Variants in TBC1D1 observed in about 807,000 individuals in gnomAD.
The protein encoded by TBC1D1 is TBC1 (tre-2/USP6, BUB2, cdc16) domain family, member 1.
In TBC1D1, 89 loss-of-function variants were observed where a neutral mutation model predicts 125.6. The ratio of observed to expected loss-of-function variants is 0.71; its 90% CI spans 0.60 to 0.85. The LOEUF is 0.85. Ranked by LOEUF, TBC1D1 falls within the 40% of genes least tolerant of loss-of-function variation. The pLI, the probability that TBC1D1 is intolerant of heterozygous loss-of-function variation, is 0.00. For synonymous variants in TBC1D1, 565 were observed against 564.1 expected (o/e 1.00, Z -0.02); for missense variants, 1,377 against 1,469.2 (o/e 0.94, Z 1.03).
intron 12 of TBC1D1, among the ~76,000 whole-genome samples, chr4:38,061,560 A>T (rs998971172): frequency 1.3e-5 from 2 of 152,202 alleles, no homozygotes; most frequent in African/African-American, 4.8e-5. Flanking sequence ...CAGACTTTAT[A>T]TGTCTTGTAA....
intron 12 of TBC1D1, among the ~76,000 whole-genome samples, chr4:38,083,471 C>G (rs966443380): frequency 2.6e-5 from 4 of 152,198 alleles, no homozygotes; most frequent in African/African-American, 9.6e-5. Context: ...ACCTGTTCTT[C>G]CAGAACCACC....
At chr4:37,960,643 C>G in intron 2 of TBC1D1, 8 of 1,614,130 alleles carry the variant, frequency 5.0e-6, no homozygotes, top group Non-Finnish European at 6.8e-6. Context: ...GTCAACAGAG[C>G]TACAGAAAAG....
At chr4:38,036,908 T>C (rs1472540352) in intron 8 of TBC1D1, among the ~76,000 whole-genome samples, 1 of 152,198 alleles carries the variant, frequency 6.6e-6, no homozygotes, top group Admixed American at 6.5e-5. Context: ...TCCTGTTCAT[T>C]TTTGGATGGA....
At chr4:37,992,161 G>A (rs886369581) in intron 2 of TBC1D1, among the ~76,000 whole-genome samples, 1 of 152,196 alleles carries the variant, frequency 6.6e-6, no homozygotes, top group Non-Finnish European at 1.5e-5. Flanking sequence ...TCAGACCTGT[G>A]TTTCCAGAAG....
At chr4:38,132,046 G>A (rs6854169) in intron 18 of TBC1D1, among the ~76,000 whole-genome samples, 3,508 of 152,334 alleles carry the variant, frequency 0.023, 130 homozygotes, top group African/African-American at 0.08. Context: ...TTGAATGCCA[G>A]TAGGGAGCCA....
At chr4:38,106,299 G>A (rs1191811517) in intron 15 of TBC1D1, among the ~76,000 whole-genome samples, 1 of 152,024 alleles carries the variant, frequency 6.6e-6, no homozygotes, top group African/African-American at 2.4e-5. Context: ...TGTTGACCAT[G>A]GTCACAAAGT....
chr4:38,137,173 T>G lies in TBC1D1; in HGVS notation c.3345T>G (p.Ile1115Met). 1 of 1,613,444 alleles carries G rather than the reference T, an allele frequency of 6.2e-7. No individual in the cohort carries two copies. The highest frequency in any genetic ancestry group is 8.5e-7 in the Non-Finnish European group (1 of 1,180,018). ...GGATCCAAAGCCTTGAGGCCACCAT[T>G]GAGAAGCTCCTGAGCAGTGAGAGCA... The change falls in exon 20 of 20, where the codon ATT (isoleucine) becomes ATG (methionine). Residue 1115 changes from isoleucine to methionine, a missense_variant. This residue lies in a region of TBC1D1 where 543 missense variants were observed against 613.5 expected (regional missense o/e 0.89). Coordinates refer to ENST00000261439, the MANE Select transcript of TBC1D1 (RefSeq NM_015173.4).
chr4:38,073,315 C>G (rs1170753171), intron 12 of TBC1D1, among the ~76,000 whole-genome samples: 1 of 152,208 alleles, frequency 6.6e-6, no homozygotes, highest in Admixed American at 6.5e-5. Context: ...GATCAATCTT[C>G]TGGATTACAC....
intron 2 of TBC1D1, among the ~76,000 whole-genome samples, chr4:37,942,696 G>A (rs1253121811): frequency 6.6e-6 from 1 of 151,958 alleles, no homozygotes; most frequent in Non-Finnish European, 1.5e-5. Flanking sequence ...CCACCACCAC[G>A]CCTGGCTAAT....
intron 2 of TBC1D1, among the ~76,000 whole-genome samples, chr4:38,012,449 A>G (rs1477921063): frequency 1.3e-5 from 2 of 152,026 alleles, no homozygotes; most frequent in African/African-American, 2.4e-5. Context: ...TCATTTTTGT[A>G]TTTTGTATAG....
intron 2 of TBC1D1, among the ~76,000 whole-genome samples, chr4:37,975,513 G>A (rs961086347): frequency 2.0e-5 from 3 of 152,150 alleles, no homozygotes; most frequent in African/African-American, 7.2e-5. Flanking sequence ...CCGGGGAAAG[G>A]GAGACTCCCA....
chr4:37,979,742 C>T (rs989148290), intron 2 of TBC1D1, among the ~76,000 whole-genome samples: 2 of 152,158 alleles, frequency 1.3e-5, no homozygotes, highest in African/African-American at 4.8e-5. Context: ...GGGTGGGTGT[C>T]GGTTGATTCA....
Position 38,118,177 on chromosome 4 carries a change from G to C in TBC1D1, c.2947G>C (p.Val983Leu). ...TGCCTCACAGTTCCCGCTGGGATTC[G>C]TAGCCAGAGTCTTTGGTGAGCATTA... Residue 983 changes from valine to leucine, a missense_variant, in exon 17 of 20, where the codon GTA becomes CTA. Val to Leu is a conservative substitution (Grantham distance 32). Around this residue, in one of 3 missense-constraint regions of TBC1D1, gnomAD observed 543 missense variants for 613.5 expected, o/e 0.89. Coordinates refer to ENST00000261439, the MANE Select transcript of TBC1D1 (RefSeq NM_015173.4). The C allele has an allele frequency of 6.2e-7, 1 of 1,614,170 alleles. No individual in the cohort carries two copies.
chr4:38,063,627 T>A (rs1323128329), intron 12 of TBC1D1, among the ~76,000 whole-genome samples: 1 of 150,946 alleles, frequency 6.6e-6, no homozygotes, highest in Non-Finnish European at 1.5e-5. Context: ...CAGTCTAATT[T>A]TTTTTATTTT....
intron 12 of TBC1D1, chr4:38,060,807 C>T: frequency 2.4e-6 from 1 of 418,218 alleles, no homozygotes; most frequent in Non-Finnish European, 4.2e-6. Context: ...AAGGCAGACT[C>T]TGTTGCAGTA....
intron 2 of TBC1D1, among the ~76,000 whole-genome samples, chr4:37,983,757 T>C (rs1305114916): frequency 6.6e-6 from 1 of 152,242 alleles, no homozygotes; most frequent in East Asian, 1.9e-4. Context: ...GACATATGAT[T>C]ATCACACAAA....
chr4:38,047,902 G>A (rs922598569), intron 10 of TBC1D1, among the ~76,000 whole-genome samples: 2 of 152,186 alleles, frequency 1.3e-5, no homozygotes, highest in African/African-American at 4.8e-5. Context: ...ATGTCACTCA[G>A]TGGGCTTTCC....
At chr4:37,895,047 T>A (rs1269601807) in intron 1 of TBC1D1, among the ~76,000 whole-genome samples, 2 of 152,212 alleles carry the variant, frequency 1.3e-5, no homozygotes, top group Non-Finnish European at 2.9e-5. Flanking sequence ...TCAACAGATA[T>A]TGCTCTAGCA....
At position 38,103,174 on chromosome 4, in the gene TBC1D1, G is replaced by A. The variant is rs772012661; in HGVS notation, c.2557+17G>A. On this transcript the variant is annotated intron_variant, in intron 15 of 19. Transcript: ENST00000261439. ...TTGACCTTGGTAAGTCTGTGCCATC[G>A]ATTGGAGATGACAATGGAAGTTTCA... The A allele has an allele frequency of 1.6e-5, 25 of 1,596,190 alleles. No homozygotes were observed. The highest frequency in any genetic ancestry group is 9.1e-5 in the South Asian group (8 of 87,710).
Sources: allele counts gnomAD v4.1 joint callset (sites outside exome capture counted in the v4.1 genomes callset), GRCh38; gene constraint gnomAD v4.1.1; regional missense constraint gnomAD v4.1.1; transcripts MANE v1.5; gene names NCBI Gene and HGNC (gene_info 2026-07-23, HGNC 2026-07-21).